NRG1: variants seen among roughly 807,000 people sequenced by gnomAD.
The protein encoded by NRG1 is pro-neuregulin-1, membrane-bound isoform.
NRG1 carries 18 observed loss-of-function variants against 63.8 expected under a neutral mutation model. The ratio of observed to expected loss-of-function variants is 0.28; its 90% CI spans 0.19 to 0.42. The LOEUF (loss-of-function observed/expected upper bound fraction) is 0.42, where lower values mean the gene tolerates loss of function less well. NRG1 is among the 10% of genes least tolerant of loss of function. The pLI, the probability that NRG1 is intolerant of heterozygous loss-of-function variation, is 1.00. For missense variants in NRG1, 762 were observed against 814.7 expected (o/e 0.94, Z 0.79); for synonymous variants, 302 against 301.3 (o/e 1.00, Z -0.02).
At chr8:31,841,741 T>C (rs1474281926) in intron 1 of NRG1, among the ~76,000 whole-genome samples, 3 of 152,182 alleles carry the variant, frequency 2.0e-5, no homozygotes, top group Admixed American at 2.0e-4. Context: ...ACTGAGCTCC[T>C]CAACTGATTT....
intron 1 of NRG1, among the ~76,000 whole-genome samples, chr8:32,238,668 T>C (rs1441918160): frequency 6.6e-6 from 1 of 152,188 alleles, no homozygotes; most frequent in Non-Finnish European, 1.5e-5. Flanking sequence ...AATCATTTGC[T>C]TGTAGAGATG....
At chr8:32,088,412 G>T (rs1034210430) in intron 1 of NRG1, among the ~76,000 whole-genome samples, 31 of 152,124 alleles carry the variant, frequency 2.0e-4, no homozygotes, top group African/African-American at 7.0e-4. Flanking sequence ...ATTGTAACTG[G>T]TGAAAAGTTG....
At chr8:32,235,711 C>A (rs1847477049) in intron 1 of NRG1, among the ~76,000 whole-genome samples, 2 of 152,086 alleles carry the variant, frequency 1.3e-5, no homozygotes, top group South Asian at 4.1e-4. Context: ...GTTGGTCACT[C>A]AGATTTCGGT....
Position 31,640,004 on chromosome 8 carries a change from C to G in NRG1, c.37+573C>G. ...CGCACCATGAGATGGCGACGCGCCC[C>G]GCGCCGCTCCGGGCGTCCCGGCCCC... On this transcript the variant is annotated intron_variant, in intron 1 of 10. Coordinates refer to the NRG1 transcript ENST00000519301. The surrounding 1 kb of genome is among the most constrained non-coding windows in gnomAD (Gnocchi z 6.3). The G allele has an allele frequency of 5.3e-6, 6 of 1,125,862 alleles. No individual in the cohort carries two copies. Among genetic ancestry groups the G allele is most frequent in the Non-Finnish European group, 6.5e-6 (6 of 921,480 alleles). The allele number at this position is 1,125,862 out of a possible 1,614,324, so 69.7% of individuals were successfully genotyped here.
chr8:31,946,163 A>G lies in NRG1; in HGVS notation c.37+306732A>G, dbSNP rs535259669. 2.2e-3 allele frequency among the ~76,000 whole-genome samples: 329 copies of G among 152,272 alleles called. 2 individuals are homozygous for G. In the Middle Eastern group the frequency reaches 0.024, roughly 11 times the overall value. On this transcript the variant is annotated intron_variant, in intron 1 of 10. Transcript: ENST00000519301. ...TTTATAATTGCCTAAACAATTCATC[A>G]TTTGTCTGACAGCATTTTTCCTTTA...
intron 1 of NRG1, among the ~76,000 whole-genome samples, chr8:31,965,314 C>G (rs1806142855): frequency 6.6e-6 from 1 of 151,806 alleles, no homozygotes; most frequent in Non-Finnish European, 1.5e-5. Context: ...TGTCTGCCTC[C>G]TAGGTTCAAG....
At chr8:32,747,492 G>GT (rs1295508475) in intron 7 of NRG1, among the ~76,000 whole-genome samples, 1 of 152,058 alleles carries the variant, frequency 6.6e-6, no homozygotes, top group Non-Finnish European at 1.5e-5. Context: ...GACCAATTGA[G>GT]TGTTGCACGG....
chr8:31,769,286 G>A (rs1818384962), intron 1 of NRG1, among the ~76,000 whole-genome samples: 1 of 152,108 alleles, frequency 6.6e-6, no homozygotes, highest in Non-Finnish European at 1.5e-5. Flanking sequence ...ATCTTGCAAG[G>A]TTGCCTATCT....
At chr8:31,696,209 G>C (rs778953421) in intron 1 of NRG1, among the ~76,000 whole-genome samples, 2 of 152,190 alleles carry the variant, frequency 1.3e-5, no homozygotes, top group Non-Finnish European at 2.9e-5. Flanking sequence ...TGGGATTACA[G>C]GCATGTGCCA....
In NRG1 at chr8:32,330,041, TAAAAAAAAAAAAAAAA is replaced by T. The variant is rs532006401; in HGVS notation, c.38-265762_38-265747del. Among the ~76,000 whole-genome samples the T allele has an allele frequency of 4.9e-3, 210 of 43,020 alleles. 1 individual carries two copies. Among genetic ancestry groups the T allele is most frequent in the Admixed American group, 0.016 (41 of 2,554 alleles). 28.2% of individuals were successfully genotyped at this position (43,020 alleles called of 152,430 possible). ...GCATGTGCCTCCACACCTAGCTAAT[TAAAAAAAAAAAAAAAA>T]AAAAAAAAAAAAAAAAAAAAAAAAG... On this transcript the variant is annotated intron_variant, in intron 1 of 10. Coordinates refer to the NRG1 transcript ENST00000519301.
chr8:31,908,024 C>A (rs1354389084), intron 1 of NRG1, among the ~76,000 whole-genome samples: 2 of 152,130 alleles, frequency 1.3e-5, no homozygotes, highest in African/African-American at 4.8e-5. Flanking sequence ...CATTTTCCTT[C>A]TTTTGTCCCA....
intron 1 of NRG1, among the ~76,000 whole-genome samples, chr8:32,118,992 A>C (rs542192098): frequency 1.3e-5 from 2 of 152,264 alleles, no homozygotes; most frequent in African/African-American, 4.8e-5. Context: ...GGTCTGGATT[A>C]TGCTCATAGC....
At chr8:32,555,475 T>A (rs1327810964) in intron 1 of NRG1, among the ~76,000 whole-genome samples, 1 of 152,146 alleles carries the variant, frequency 6.6e-6, no homozygotes, top group African/African-American at 2.4e-5. Flanking sequence ...CTGATTTTAT[T>A]TATGTACTTT....
At chr8:31,714,415 G>T (rs994290826) in intron 1 of NRG1, among the ~76,000 whole-genome samples, 1 of 152,102 alleles carries the variant, frequency 6.6e-6, no homozygotes, top group African/African-American at 2.4e-5. Flanking sequence ...GTTTAGAATG[G>T]TAAGGTGGAT....
At chr8:32,041,796 T>C (rs992765062) in intron 1 of NRG1, among the ~76,000 whole-genome samples, 1 of 152,130 alleles carries the variant, frequency 6.6e-6, no homozygotes, top group African/African-American at 2.4e-5. Context: ...GATCCACAGG[T>C]AACCAAAAAG....
At chr8:32,077,135 G>T (rs987481017) in intron 1 of NRG1, among the ~76,000 whole-genome samples, 11 of 152,226 alleles carry the variant, frequency 7.2e-5, no homozygotes, top group Non-Finnish European at 1.6e-4. Context: ...GGGAGGCTGA[G>T]GCAGGTGGAT....
intron 1 of NRG1, among the ~76,000 whole-genome samples, chr8:32,025,831 C>A (rs940918570): frequency 6.6e-6 from 1 of 151,072 alleles, no homozygotes; most frequent in Non-Finnish European, 1.5e-5. Flanking sequence ...GCCTGTAGTC[C>A]CAGCTACTCG....
At chr8:32,684,292 A>G (rs1213381906) in intron 5 of NRG1, among the ~76,000 whole-genome samples, 1 of 152,242 alleles carries the variant, frequency 6.6e-6, no homozygotes, top group African/African-American at 2.4e-5. Context: ...CATTACCTAC[A>G]TTTAAAGAAT....
chr8:32,468,562 A>G (rs1823358954), intron 1 of NRG1, among the ~76,000 whole-genome samples: 2 of 152,088 alleles, frequency 1.3e-5, no homozygotes. Context: ...AATAACGTGA[A>G]CCTTCCTTAT....
Sources: gnomAD v4.1 joint callset for allele counts (sites outside exome capture counted in the v4.1 genomes callset) on GRCh38, gnomAD v4.1.1 for gene constraint, Gnocchi (gnomAD v3.1) non-coding constraint, MANE v1.5 for transcripts, NCBI Gene and HGNC (gene_info 2026-07-23, HGNC 2026-07-21) for gene names.